Variants in WSB1 observed in about 807,000 individuals in gnomAD.
WSB1 encodes WD repeat and SOCS box containing 1, also known as WD repeat and SOCS box-containing protein 1.
A neutral mutation model predicts 50.2 loss-of-function variants in WSB1; 23 were observed. That is an observed-to-expected ratio of 0.46 (90% CI 0.33 to 0.65). WSB1 has a LOEUF of 0.65. WSB1 is among the 30% of genes least tolerant of loss of function. The probability of loss-of-function intolerance (pLI) is 0.02; values close to 1 mark genes in which losing one functional copy is unlikely to be tolerated. For synonymous variants in WSB1, 179 were observed against 172.0 expected, an observed-to-expected ratio of 1.04 and a Z score of -0.32; for missense variants, 492 against 522.3, an observed-to-expected ratio of 0.94 and a Z score of 0.56.
chr17:27,308,376 ACTTATT>A (rs936746386), intron 5 of WSB1: 1 of 985,372 alleles, frequency 1.0e-6, no homozygotes, highest in Non-Finnish European at 1.2e-6. Flanking sequence ...TTGTATATGA[ACTTATT>A]CTTAAATAAT....
rs1018765199 is a variant in WSB1, at chr17:27,294,492, CGGA to C, written c.40+63_40+65del. 8 of 1,600,278 alleles carry C rather than the reference CGGA, an allele frequency of 5.0e-6. No individual in the cohort carries two copies. In the Admixed American group the frequency reaches 1.3e-4, roughly 27 times the overall value. On this transcript the variant is annotated intron_variant, in intron 1 of 8. Transcript: ENST00000262394. ...GGGCCGAGGAGAGGCAGGGACTCCC[CGGA>C]GGAGGTTTGGGAGGAAGCGACTCCA...
intron 1 of WSB1, among the ~76,000 whole-genome samples, chr17:27,296,101 A>G (rs2016963718): frequency 6.6e-6 from 1 of 152,094 alleles, no homozygotes; most frequent in Non-Finnish European, 1.5e-5. Flanking sequence ...CCAAAGTGCT[A>G]GGATTACGGG....
intron 3 of WSB1, among the ~76,000 whole-genome samples, chr17:27,304,377 T>G (rs2017355998): frequency 6.6e-6 from 1 of 151,910 alleles, no homozygotes; most frequent in African/African-American, 2.4e-5. Flanking sequence ...GAGCTTAACA[T>G]TCCTAGGCCA....
At chr17:27,297,823 C>A (rs1209424639) in intron 1 of WSB1, among the ~76,000 whole-genome samples, 1 of 151,984 alleles carries the variant, frequency 6.6e-6, no homozygotes, top group South Asian at 2.1e-4. Flanking sequence ...AAAATACAGT[C>A]TAGGCTGGGC....
rs1161300382 is a variant in WSB1, at chr17:27,315,463, C to A, written c.*3094C>A. Reference sequence around the variant, plus strand: ...TTTCCTGCCTGCTGTGACTGTGATGCAGTTGGATTCAACTGGTTTACACTG... The same window carrying A: ...TTTCCTGCCTGCTGTGACTGTGATGAAGTTGGATTCAACTGGTTTACACTG... On this transcript the variant is annotated 3_prime_UTR_variant, in exon 9 of 9. Coordinates refer to ENST00000262394, the MANE Select transcript of WSB1 (RefSeq NM_015626.10). 1 of 152,176 alleles carries A rather than the reference C, an allele frequency of 6.6e-6. No homozygotes were observed. Among genetic ancestry groups the A allele is most frequent in the Non-Finnish European group, 1.5e-5 (1 of 68,042 alleles). 9.4% of individuals were successfully genotyped at this position (152,176 alleles called of 1,614,324 possible). A position where few individuals can be genotyped will look rare whatever the true frequency, so the allele number is the denominator to read the frequency against.
intron 5 of WSB1, chr17:27,308,881 C>G: frequency 8.6e-7 from 1 of 1,165,150 alleles, no homozygotes; most frequent in Non-Finnish European, 1.1e-6. Context: ...TTTAAATTAA[C>G]ATTTAACAGA....
chr17:27,312,124 A>G (rs2017708612), intron 8 of WSB1, 86 bp from the exon 9 acceptor site: 3 of 1,513,572 alleles, frequency 2.0e-6, no homozygotes, highest in Non-Finnish European at 2.7e-6. Context: ...CACTACTCAC[A>G]TGTATTGGGT....
intron 6 of WSB1, 31 bp downstream of exon 6, chr17:27,309,303 A>G (rs1198646695): frequency 6.8e-7 from 1 of 1,480,352 alleles, no homozygotes; most frequent in Non-Finnish European, 9.1e-7. Flanking sequence ...TTTAGTCTAT[A>G]ATTCATCTCC....
Position 27,309,177 on chromosome 17 carries a change from C to G in WSB1, c.789C>G (p.Asp263Glu), listed in dbSNP as rs1376552621. 2 of 1,613,440 alleles carry G rather than the reference C, an allele frequency of 1.2e-6. No individual in the cohort carries two copies. The highest frequency in any genetic ancestry group is 1.7e-6 in the Non-Finnish European group (2 of 1,179,770). ...EGHHHDVVAC[D>E]FSPDGALLAT... ...ATCACCATGATGTGGTAGCTTGTGA[C>G]TTTTCTCCTGATGGAGCATTACTGG... is the stretch of plus-strand genomic sequence containing the variant. The change falls in exon 6 of 9, where the codon GAC becomes GAG. Residue 263 changes from aspartate (D) to glutamate (E), a missense_variant. Transcript: ENST00000262394.
intron 1 of WSB1, 86 bp downstream of exon 1, chr17:27,294,521 A>G (rs1333512817): frequency 6.4e-7 from 1 of 1,566,448 alleles, no homozygotes; most frequent in South Asian, 1.1e-5. Context: ...AGCGACTCCA[A>G]GTCTGAGGGA....
chr17:27,295,994 C>T (rs775230161), intron 1 of WSB1, among the ~76,000 whole-genome samples: 32 of 152,084 alleles, frequency 2.1e-4, no homozygotes, highest in Admixed American at 1.4e-3. Context: ...TGCACACGCC[C>T]GGCTAATTTT....
rs375772027 is a variant in WSB1, at chr17:27,312,230, A to G, written c.1127A>G (p.Tyr376Cys). Residue 376 changes from tyrosine to cysteine, a missense_variant, in exon 9 of 9, where the codon TAT becomes TGT. Transcript: ENST00000262394. ...LAAGTHDGSV[Y>C]FWATPRQVPS... is the part of the protein sequence containing the mutation. ...TTTAGGACACATGACGGAAGTGTGT[A>G]TTTTTGGGCCACTCCACGGCAGGTC... is the stretch of plus-strand genomic sequence containing the variant. 3.7e-6 allele frequency: 6 copies of G among 1,612,236 alleles called. No individual in the cohort carries two copies. Among genetic ancestry groups the G allele is most frequent in the Non-Finnish European group, 5.1e-6 (6 of 1,179,558 alleles).
chr17:27,310,287 G>A, intron 7 of WSB1, 113 bp downstream of exon 7: 2 of 884,704 alleles, frequency 2.3e-6, no homozygotes, highest in Non-Finnish European at 1.8e-6. Context: ...ACAAGCCCCT[G>A]GGAGATTTTG....
In WSB1 at chr17:27,294,381, G is replaced by A; in HGVS notation, c.-15G>A. 1 of 1,613,354 alleles carries A rather than the reference G, an allele frequency of 6.2e-7. No individual in the cohort carries two copies. The highest frequency in any genetic ancestry group is 8.5e-7 in the Non-Finnish European group (1 of 1,179,512). The stretch of plus-strand genomic sequence containing the variant: ...GGTCCGCATCGTATTCCCGGAATCA[G>A]ACGGTGCCCCATAGATGGCCAGCTT... On this transcript the variant is annotated 5_prime_UTR_variant, in exon 1 of 9. Transcript: ENST00000262394.
At chr17:27,298,759 G>A (rs2017098995) in intron 1 of WSB1, among the ~76,000 whole-genome samples, 2 of 152,128 alleles carry the variant, frequency 1.3e-5, no homozygotes, top group South Asian at 4.1e-4. Flanking sequence ...AGCTACTCGG[G>A]AGGCTGAGGC....
intron 5 of WSB1, chr17:27,307,797 A>G (rs1206032340): frequency 9.1e-6 from 14 of 1,532,728 alleles, no homozygotes; most frequent in African/African-American, 4.1e-5. Context: ...ACTCGCACAC[A>G]GGCGCACAAT....
In WSB1 at chr17:27,312,464, A is replaced by G. The variant is rs1175148016; in HGVS notation, c.*95A>G. On this transcript the variant is annotated 3_prime_UTR_variant, in exon 9 of 9. Transcript: ENST00000262394. ...TTCAATTATCTGTTTTTAAAGACGT[A>G]GAAGATTTATTTAATTTGATATGTT... 2.7e-6 allele frequency: 4 copies of G among 1,499,440 alleles called. No homozygotes were observed. The African/African-American group carries it at 5.7e-5, about 21-fold the overall frequency. The allele number at this position is 1,499,440 out of a possible 1,614,324, so 92.9% of individuals were successfully genotyped here.
At position 27,309,081 on chromosome 17, in the gene WSB1, A is replaced by G. The variant is rs1442349627; in HGVS notation, c.712-19A>G. On this transcript the variant is annotated intron_variant, in intron 5 of 8. Coordinates refer to ENST00000262394, the MANE Select transcript of WSB1 (RefSeq NM_015626.10). ...CTGTATGTCTGAATGAAGCTATAAC[A>G]TTTGCCTTTTTATTGCAGGTTTTCC... 5.0e-6 allele frequency: 8 copies of G among 1,589,612 alleles called. No individual in the cohort carries two copies. The highest frequency in any genetic ancestry group is 6.9e-6 in the Non-Finnish European group (8 of 1,165,130).
At chr17:27,303,789 C>A in intron 3 of WSB1, 154 bp downstream of exon 3, 1 of 874,112 alleles carries the variant, frequency 1.1e-6, no homozygotes, top group East Asian at 2.5e-5. Flanking sequence ...ATGTCACCTT[C>A]TTCAGCTCAT....
Sources: gnomAD v4.1 joint callset for allele counts (sites outside exome capture counted in the v4.1 genomes callset) on GRCh38, gnomAD v4.1.1 for gene constraint, MANE v1.5 for transcripts, NCBI Gene and HGNC (gene_info 2026-07-23, HGNC 2026-07-21) for gene names.